The following UNC13C variants were observed in gnomAD, a reference collection of about 807,000 sequenced individuals.
UNC13C encodes the protein protein unc-13 homolog C.
Under a neutral mutation model 245.4 loss-of-function variants are expected in UNC13C, and 174 were observed. The ratio of observed to expected loss-of-function variants is 0.71; its 90% confidence interval spans 0.63 to 0.80. The LOEUF is 0.80. Among genes scored for constraint, UNC13C ranks in the 30% least tolerant of loss-of-function variants. The probability of loss-of-function intolerance (pLI) is 0.00; values close to 1 mark genes in which losing one functional copy is unlikely to be tolerated. For synonymous variants in UNC13C, 992 were observed against 895.1 expected (o/e 1.11, Z -1.93); for missense variants, 2,829 against 2,602.9 (o/e 1.09, Z -1.89).
chr15:54,198,811 C>A (rs988963063), intron 4 of UNC13C, among the ~76,000 whole-genome samples: 2 of 151,974 alleles, frequency 1.3e-5, no homozygotes, highest in African/African-American at 4.8e-5. Flanking sequence ...TTCTTTAACA[C>A]CCCCAAAAGA....
chr15:54,429,029 T>C (rs1046329173), intron 19 of UNC13C, among the ~76,000 whole-genome samples: 2 of 151,812 alleles, frequency 1.3e-5, no homozygotes, highest in Non-Finnish European at 2.9e-5. Flanking sequence ...TATTCTTCTC[T>C]AGAGTCTAGG....
chr15:53,950,839 AG>A, the UNC13C span, among the ~76,000 whole-genome samples: 2 of 152,234 alleles, frequency 1.3e-5, no homozygotes, highest in African/African-American at 4.8e-5. Context: ...GTGTTCAAAG[AG>A]GGTTTCAGGA....
chr15:54,326,631 G>A (rs2038303741), intron 14 of UNC13C, among the ~76,000 whole-genome samples: 1 of 152,068 alleles, frequency 6.6e-6, no homozygotes, highest in Non-Finnish European at 1.5e-5. Context: ...GATAGCAAGA[G>A]AGAAGGAGGG....
In UNC13C at chr15:54,328,112, G is replaced by C. The variant is rs563651240; in HGVS notation, c.4426-3931G>C. Reference sequence around the variant, plus strand: ...ACAATAACATTTCAATGCTTTTCAAGTTTTCCTGTGAAGCGACTCTTTAAA... The same window carrying C: ...ACAATAACATTTCAATGCTTTTCAACTTTTCCTGTGAAGCGACTCTTTAAA... On this transcript the variant is annotated intron_variant, in intron 14 of 32. Coordinates refer to ENST00000260323, the MANE Select transcript of UNC13C (RefSeq NM_001080534.3). Among the ~76,000 whole-genome samples the C allele has an allele frequency of 1.5e-3, 221 of 152,124 alleles. 2 individuals are homozygous for C. Among genetic ancestry groups the C allele is most frequent in the Middle Eastern group, 0.014 (4 of 294 alleles).
chr15:53,865,336 G>A, the UNC13C span, among the ~76,000 whole-genome samples: 14 of 152,224 alleles, frequency 9.2e-5, 1 homozygote, highest in African/African-American at 3.1e-4. Flanking sequence ...AGTTTCTCAC[G>A]GTTTTGGAGG....
At chr15:53,886,560 G>A in the UNC13C span, among the ~76,000 whole-genome samples, 1 of 152,152 alleles carries the variant, frequency 6.6e-6, no homozygotes, top group Non-Finnish European at 1.5e-5. Context: ...CTCCCGCACA[G>A]AGGAACAACA....
chr15:53,867,189 C>T, the UNC13C span, among the ~76,000 whole-genome samples: 1 of 152,268 alleles, frequency 6.6e-6, no homozygotes, highest in South Asian at 2.1e-4. Flanking sequence ...AGGATGCTCA[C>T]TCTCATTACT....
chr15:54,038,666 G>A (rs1896691226), intron 2 of UNC13C, among the ~76,000 whole-genome samples: 1 of 152,060 alleles, frequency 6.6e-6, no homozygotes. Context: ...TTAAACTTAT[G>A]AAGTCAATAT....
chr15:53,886,813 G>A, the UNC13C span, among the ~76,000 whole-genome samples: 1 of 152,206 alleles, frequency 6.6e-6, no homozygotes, highest in Admixed American at 6.5e-5. Context: ...TCATGAAATT[G>A]ACACTTTACC....
At chr15:54,164,469 G>A (rs1388494675) in intron 4 of UNC13C, among the ~76,000 whole-genome samples, 2 of 152,086 alleles carry the variant, frequency 1.3e-5, no homozygotes, top group African/African-American at 2.4e-5. Flanking sequence ...AAATATTTGT[G>A]TGGATGCTAT....
intron 2 of UNC13C, among the ~76,000 whole-genome samples, chr15:54,062,179 C>T (rs1328989222): frequency 2.6e-5 from 4 of 151,862 alleles, no homozygotes; most frequent in South Asian, 2.1e-4. Context: ...ATTAGCCAGG[C>T]GTGGTGGCAG....
the UNC13C span, among the ~76,000 whole-genome samples, chr15:53,927,850 G>A: frequency 6.6e-6 from 1 of 152,176 alleles, no homozygotes; most frequent in African/African-American, 2.4e-5. Flanking sequence ...AGAATTCCAG[G>A]GAGAGCCAGC....
chr15:54,066,773 G>A (rs894446072), intron 2 of UNC13C, among the ~76,000 whole-genome samples: 3 of 152,268 alleles, frequency 2.0e-5, no homozygotes, highest in South Asian at 4.2e-4. Flanking sequence ...ACTGAAAATT[G>A]AGGAAAGGGA....
chr15:54,198,025 G>A (rs934027725), intron 4 of UNC13C, among the ~76,000 whole-genome samples: 1 of 152,084 alleles, frequency 6.6e-6, no homozygotes. Flanking sequence ...GGCTGTGTGG[G>A]AGTGGGGTGA....
intron 30 of UNC13C, among the ~76,000 whole-genome samples, chr15:54,579,947 A>T (rs1566921132): frequency 6.6e-6 from 1 of 152,174 alleles, no homozygotes; most frequent in Non-Finnish European, 1.5e-5. Flanking sequence ...GGTAGCTATG[A>T]TACTTTTTAA....
At chr15:54,560,278 T>C (rs572281853) in intron 29 of UNC13C, among the ~76,000 whole-genome samples, 3 of 151,946 alleles carry the variant, frequency 2.0e-5, no homozygotes, top group Non-Finnish European at 2.9e-5. Context: ...AACAATAGCA[T>C]GTTCCCATGA....
At chr15:53,975,286 C>T (rs1010657797), upstream of UNC13C, among the ~76,000 whole-genome samples, 3 of 152,166 alleles carry the variant, frequency 2.0e-5, no homozygotes, top group African/African-American at 4.8e-5. Context: ...TCCAAATAGT[C>T]GTTCTCCTAT....
chr15:54,418,311 A>G (rs901500200), intron 19 of UNC13C, among the ~76,000 whole-genome samples: 3 of 152,296 alleles, frequency 2.0e-5, no homozygotes, highest in East Asian at 3.9e-4. Context: ...ACTGGTTAAT[A>G]AAAATCAGCT....
chr15:54,290,212 G>A (rs2037260890), intron 10 of UNC13C, among the ~76,000 whole-genome samples: 1 of 151,992 alleles, frequency 6.6e-6, no homozygotes, highest in African/African-American at 2.4e-5. Flanking sequence ...AAAGCTGTTT[G>A]GAAGAGAAAA....
Sources: allele counts gnomAD v4.1 joint callset (sites outside exome capture counted in the v4.1 genomes callset), GRCh38; gene constraint gnomAD v4.1.1; transcripts MANE v1.5; gene names NCBI Gene and HGNC (gene_info 2026-07-23, HGNC 2026-07-21).